The following KCNMB4 variants were observed in gnomAD, a reference collection of about 807,000 sequenced individuals.
KCNMB4 encodes calcium-activated potassium channel subunit beta-4.
In KCNMB4, 3 loss-of-function variants were observed where a neutral mutation model predicts 20.7. The observed-to-expected ratio is 0.14, with a 90% CI of 0.07 to 0.37. KCNMB4 has a LOEUF of 0.37. KCNMB4 is among the 10% of genes least tolerant of loss of function. The pLI is 1.00. For missense variants in KCNMB4, 168 were observed against 265.9 expected (o/e 0.63, Z 2.56); for synonymous variants, 110 against 113.4 (o/e 0.97, Z 0.19).
chr12:70,369,258 C>A (rs903106601), intron 1 of KCNMB4, among the ~76,000 whole-genome samples: 26 of 152,132 alleles, frequency 1.7e-4, no homozygotes, highest in African/African-American at 6.3e-4. Flanking sequence ...TTAGCATCAC[C>A]TTTCTATTTT....
chr12:70,376,537 T>C (rs1883689537), intron 1 of KCNMB4, among the ~76,000 whole-genome samples: 1 of 152,080 alleles, frequency 6.6e-6, no homozygotes, highest in African/African-American at 2.4e-5. Context: ...ATTATATTTT[T>C]ATACACTAGG....
rs1437013677 is a variant in KCNMB4, at chr12:70,431,498, C to CT, written c.*846dup. The CT allele has an allele frequency of 6.7e-6, 1 of 148,398 alleles. No homozygotes were observed. The highest frequency in any genetic ancestry group is 2.5e-5 in the African/African-American group (1 of 40,484). The allele number at this position is 148,398 out of a possible 1,614,324, so 9.2% of individuals were successfully genotyped here. Reference sequence around the variant, plus strand: ...GGACACTCTTCAGCTTAGTGAAACGCTGTTTTCATTTTTTTTTTTTTTTGT... The same window carrying CT: ...GGACACTCTTCAGCTTAGTGAAACGCTTGTTTTCATTTTTTTTTTTTTTTGT... On this transcript the variant is annotated 3_prime_UTR_variant, in exon 3 of 3. Transcript: ENST00000258111.
chr12:70,371,835 A>G (rs1312661660), intron 1 of KCNMB4, among the ~76,000 whole-genome samples: 1 of 152,240 alleles, frequency 6.6e-6, no homozygotes, highest in African/African-American at 2.4e-5. Flanking sequence ...TCCTGCACTC[A>G]TGGAACTTAT....
chr12:70,410,534 A>C (rs989866474), intron 2 of KCNMB4, among the ~76,000 whole-genome samples: 3 of 152,234 alleles, frequency 2.0e-5, no homozygotes, highest in Non-Finnish European at 4.4e-5. Context: ...ACGACCTTGG[A>C]TAAATTGTGC....
chr12:70,417,175 C>T (rs1019707479), intron 2 of KCNMB4, among the ~76,000 whole-genome samples: 5 of 152,140 alleles, frequency 3.3e-5, no homozygotes, highest in African/African-American at 9.7e-5. Context: ...CAGACTTTAA[C>T]GACAATTTCC....
At chr12:70,411,926 G>A (rs1290860006) in intron 2 of KCNMB4, among the ~76,000 whole-genome samples, 1 of 152,280 alleles carries the variant, frequency 6.6e-6, no homozygotes, top group South Asian at 2.1e-4. Flanking sequence ...GAGTCTAGTG[G>A]CAGCATGGAG....
At chr12:70,369,076 T>C (rs1390943732) in intron 1 of KCNMB4, among the ~76,000 whole-genome samples, 1 of 152,196 alleles carries the variant, frequency 6.6e-6, no homozygotes, top group African/African-American at 2.4e-5. Context: ...ATACATTTTA[T>C]AAAGTAAAGT....
intron 1 of KCNMB4, among the ~76,000 whole-genome samples, chr12:70,380,471 T>C (rs1020395975): frequency 2.0e-5 from 3 of 152,118 alleles, no homozygotes; most frequent in Non-Finnish European, 2.9e-5. Flanking sequence ...ATGGTGCCAA[T>C]GGACTTGTTC....
chr12:70,391,563 C>G (rs1868299398), intron 1 of KCNMB4, among the ~76,000 whole-genome samples: 1 of 152,174 alleles, frequency 6.6e-6, no homozygotes, highest in Non-Finnish European at 1.5e-5. Context: ...GCCTTGGCCT[C>G]CGAAGGCTCT....
At chr12:70,380,010 T>G (rs1229124178) in intron 1 of KCNMB4, among the ~76,000 whole-genome samples, 2 of 152,212 alleles carry the variant, frequency 1.3e-5, no homozygotes, top group East Asian at 3.8e-4. Context: ...CATTCACAAC[T>G]TGGCTGTTTG....
At chr12:70,382,923 A>G (rs1038900954) in intron 1 of KCNMB4, among the ~76,000 whole-genome samples, 3 of 152,374 alleles carry the variant, frequency 2.0e-5, no homozygotes, top group South Asian at 2.1e-4. Context: ...CCTAGATAGT[A>G]TAGCCTACTA....
intron 2 of KCNMB4, among the ~76,000 whole-genome samples, chr12:70,420,603 T>C (rs1453649047): frequency 2.0e-5 from 3 of 152,166 alleles, no homozygotes; most frequent in African/African-American, 7.2e-5. Context: ...TGAAACAGAT[T>C]GCAAACCTCT....
At chr12:70,372,954 C>G (rs1385530813) in intron 1 of KCNMB4, among the ~76,000 whole-genome samples, 1 of 151,838 alleles carries the variant, frequency 6.6e-6, no homozygotes, top group Non-Finnish European at 1.5e-5. Context: ...AAGAGAACAT[C>G]AAAGAAGATA....
rs146018351 is a variant in KCNMB4, at chr12:70,374,995, C to T, written c.336+7925C>T. On this transcript the variant is annotated intron_variant, in intron 1 of 2. Transcript: ENST00000258111. ...TAAAATAGACCTAAAGAAGGGAAAA[C>T]CAGACAATAATACTCTATAGTGAGT... 1.6e-3 allele frequency among the ~76,000 whole-genome samples: 245 copies of T among 152,192 alleles called. 1 individual carries two copies. Among genetic ancestry groups the T allele is most frequent in the African/African-American group, 5.6e-3 (233 of 41,532 alleles).
At chr12:70,417,426 G>C (rs1285361013) in intron 2 of KCNMB4, among the ~76,000 whole-genome samples, 1 of 152,174 alleles carries the variant, frequency 6.6e-6, no homozygotes. Flanking sequence ...TGAGTTGAAG[G>C]AACAGGAACT....
chr12:70,375,370 C>T (rs951976911), intron 1 of KCNMB4, among the ~76,000 whole-genome samples: 1 of 151,832 alleles, frequency 6.6e-6, no homozygotes, highest in Non-Finnish European at 1.5e-5. Context: ...CGTGGTGGCT[C>T]ACACCTGTAA....
intron 1 of KCNMB4, among the ~76,000 whole-genome samples, chr12:70,399,869 T>G (rs1868407192): frequency 6.6e-6 from 1 of 152,180 alleles, no homozygotes; most frequent in Non-Finnish European, 1.5e-5. Context: ...AAATAAACTT[T>G]TTTATGCCTC....
intron 1 of KCNMB4, among the ~76,000 whole-genome samples, chr12:70,384,862 A>T (rs1593326918): frequency 1.5e-5 from 2 of 130,456 alleles, no homozygotes; most frequent in African/African-American, 3.1e-5. Flanking sequence ...CAACACAGTG[A>T]GACCCTGTCT....
At chr12:70,429,071 G>T (rs949062879) in intron 2 of KCNMB4, among the ~76,000 whole-genome samples, 3 of 152,130 alleles carry the variant, frequency 2.0e-5, no homozygotes, top group Admixed American at 2.0e-4. Context: ...TATGTTAATG[G>T]CACATGATAG....
Sources: gnomAD v4.1 joint callset for allele counts (sites outside exome capture counted in the v4.1 genomes callset) on GRCh38, gnomAD v4.1.1 for gene constraint, MANE v1.5 for transcripts, NCBI Gene and HGNC (gene_info 2026-07-23, HGNC 2026-07-21) for gene names.